SREBF1: variants seen among roughly 807,000 people sequenced by gnomAD.
SREBF1 encodes the protein sterol regulatory element-binding protein 1.
SREBF1 carries 45 observed loss-of-function variants against 100.1 expected under a neutral mutation model. The observed-to-expected ratio is 0.45, with a 90% CI of 0.35 to 0.58. The LOEUF is 0.58. SREBF1 is among the 20% of genes least tolerant of loss of function. The pLI is 0.00. For missense variants in SREBF1, 1,324 were observed against 1,539.4 expected (o/e 0.86, Z 2.34); for synonymous variants, 657 against 681.8 (o/e 0.96, Z 0.57).
At chr17:17,825,473 C>T (rs2034429772) in intron 1 of SREBF1, among the ~76,000 whole-genome samples, 1 of 152,064 alleles carries the variant, frequency 6.6e-6, no homozygotes, top group South Asian at 2.1e-4. Flanking sequence ...GCAGAGGGCA[C>T]AGACTAAGCT....
At chr17:17,833,490 G>C (rs1019872813) in intron 1 of SREBF1, among the ~76,000 whole-genome samples, 3 of 121,286 alleles carry the variant, frequency 2.5e-5, no homozygotes, top group Admixed American at 8.9e-5. Context: ...CACACATACA[G>C]ATCCACAGCT....
chr17:17,814,808 G>A lies in SREBF1; in HGVS notation c.2602+27C>T, dbSNP rs765083139. 8 of 1,607,188 alleles carry A rather than the reference G, an allele frequency of 5.0e-6. No individual in the cohort carries two copies. In the Admixed American group the frequency reaches 1.2e-4, roughly 24 times the overall value. On this transcript the variant is annotated intron_variant, in intron 14 of 18. Coordinates refer to ENST00000261646, the MANE Select transcript of SREBF1 (RefSeq NM_004176.5). ...ACGCTGCACGGGGGAGCTGAGAAGGGAGCCAGGACAGGGGCCGGGGACTCA... is the reference window on the plus strand; with the variant it reads ...ACGCTGCACGGGGGAGCTGAGAAGGAAGCCAGGACAGGGGCCGGGGACTCA...
intron 1 of SREBF1, among the ~76,000 whole-genome samples, chr17:17,827,665 A>G (rs1445055441): frequency 6.6e-6 from 1 of 152,138 alleles, no homozygotes; most frequent in Non-Finnish European, 1.5e-5. Flanking sequence ...ACCTGGGCGC[A>G]GGTCCTCTTG....
Position 17,817,497 on chromosome 17 carries a change from G to A in SREBF1, c.1405-40C>T, listed in dbSNP as rs1229259311. On this transcript the variant is annotated intron_variant, in intron 7 of 18. Coordinates refer to ENST00000261646, the MANE Select transcript of SREBF1 (RefSeq NM_004176.5). This position sits in a 1 kb window ranked among gnomAD's most constrained non-coding sequence, Gnocchi z 6.6. Reference sequence around the variant, plus strand: ...CAGGGTGGTGAGGGCAGAATCGGAGGGACCCCAGAGAGCATGGGGCTGGGA... The same window carrying A: ...CAGGGTGGTGAGGGCAGAATCGGAGAGACCCCAGAGAGCATGGGGCTGGGA... 6.4e-7 allele frequency: 1 copy of A among 1,558,340 alleles called. No homozygotes were observed. Among genetic ancestry groups the A allele is most frequent in the Admixed American group, 1.9e-5 (1 of 51,820 alleles).
intron 1 of SREBF1, among the ~76,000 whole-genome samples, chr17:17,833,132 A>G (rs1264468899): frequency 6.6e-6 from 1 of 151,766 alleles, no homozygotes; most frequent in Non-Finnish European, 1.5e-5. Context: ...ATTTATAAAA[A>G]TACAGATCCA....
At position 17,815,974 on chromosome 17, in the gene SREBF1, G is replaced by A; in HGVS notation, c.2269C>T (p.Pro757Ser). Residue 757 changes from proline to serine, a missense_variant, in exon 12 of 19, where the codon CCT (proline) becomes TCT (serine). Coordinates refer to ENST00000261646, the MANE Select transcript of SREBF1 (RefSeq NM_004176.5). The stretch of plus-strand genomic sequence containing the variant: ...TGGCAGAGCCACTGCATGGCAGGAG[G>A]CACTGAGCCACTCTGTGCCAGGCAG... ...QACLAQSGSV[P>S]PAMQWLCHPV... 4 of 1,612,872 alleles carry A rather than the reference G, an allele frequency of 2.5e-6. No individual in the cohort carries two copies. Among genetic ancestry groups the A allele is most frequent in the Non-Finnish European group, 3.4e-6 (4 of 1,179,928 alleles).
In SREBF1 at chr17:17,817,610, G is replaced by A; in HGVS notation, c.1404+86C>T. ...ATTCTGTCTATGAAATGGGAGGTAG[G>A]ATCTGTTAGGGTCTTCCCGGCCCTG... On this transcript the variant is annotated intron_variant, in intron 7 of 18. Transcript: ENST00000261646. This position sits in a 1 kb window ranked among gnomAD's most constrained non-coding sequence, Gnocchi z 6.6. 6.4e-7 allele frequency: 1 copy of A among 1,570,528 alleles called. No individual in the cohort carries two copies. Among genetic ancestry groups the A allele is most frequent in the Non-Finnish European group, 8.7e-7 (1 of 1,148,096 alleles).
chr17:17,832,845 C>T (rs998049937), intron 1 of SREBF1, among the ~76,000 whole-genome samples: 18 of 151,542 alleles, frequency 1.2e-4, no homozygotes, highest in East Asian at 3.9e-4. Context: ...GGTGTGAACC[C>T]GGGAGGCGGA....
chr17:17,818,060 G>GTTA (rs2033778418), intron 6 of SREBF1, 144 bp from the exon 7 acceptor site: 1 of 926,794 alleles, frequency 1.1e-6, no homozygotes, highest in South Asian at 1.4e-5. Flanking sequence ...AGGGCCAAAG[G>GTTA]GAGGCACCAG....
chr17:17,816,129 A>C (rs1433925266), intron 11 of SREBF1, 78 bp downstream of exon 11: 2 of 1,146,652 alleles, frequency 1.7e-6, no homozygotes, highest in Non-Finnish European at 2.2e-6. Context: ...AACCACTGCC[A>C]CATCCCGTGT....
In SREBF1 at chr17:17,833,450, A is replaced by AATATATATAT. The variant is rs1555573429; in HGVS notation, c.91+3267_91+3276dup. ...AAAAAAAAAAAAAAAAAAAAAAAAA[A>AATATATATAT]ATATATATATATATATATATATATA... On this transcript the variant is annotated intron_variant, in intron 1 of 18. Transcript: ENST00000261646. 1.7e-3 allele frequency among the ~76,000 whole-genome samples: 80 copies of AATATATATAT among 47,492 alleles called. 1 individual carries two copies. The highest frequency in any genetic ancestry group is 5.5e-3 in the East Asian group (6 of 1,096). 31.2% of individuals were successfully genotyped at this position (47,492 alleles called of 152,430 possible).
rs1326576226 is a variant in SREBF1 at position 17,811,404 on chromosome 17, A to G, written c.*1218T>C. 2 of 12,224 alleles carry G rather than the reference A, an allele frequency of 1.6e-4. No homozygotes were observed. The highest frequency in any genetic ancestry group is 3.9e-3 in the Admixed American group (1 of 254). The allele number at this position is 12,224 out of a possible 1,614,324, so 0.8% of individuals were successfully genotyped here. A position where few individuals can be genotyped will look rare whatever the true frequency, so the allele number is the denominator to read the frequency against. Reference sequence around the variant, plus strand: ...AGTAAAAAACAGTCATTGCATTCAGAAAAAAAAAAAAAAAAAAGTCAATAA... The same window carrying G: ...AGTAAAAAACAGTCATTGCATTCAGGAAAAAAAAAAAAAAAAAGTCAATAA... On this transcript the variant is annotated 3_prime_UTR_variant, in exon 19 of 19. Coordinates refer to ENST00000261646, the MANE Select transcript of SREBF1 (RefSeq NM_004176.5).
intron 18 of SREBF1, 146 bp from the exon 19 acceptor site, chr17:17,812,997 C>T: frequency 2.9e-6 from 2 of 700,740 alleles, no homozygotes. Context: ...CCTCTCCCCA[C>T]CCTAGTCTCA....
intron 5 of SREBF1, 23 bp from the exon 6 acceptor site, chr17:17,818,397 G>C: frequency 4.3e-5 from 67 of 1,566,510 alleles, no homozygotes; most frequent in Non-Finnish European, 5.5e-5. Context: ...GGAGGGAGGG[G>C]GAGCGCACAG....
At position 17,812,657 on chromosome 17, in the gene SREBF1, G is replaced by A; in HGVS notation, c.3409C>T (p.Arg1137Cys). 2 of 1,608,036 alleles carry A rather than the reference G, an allele frequency of 1.2e-6. No homozygotes were observed. The highest frequency in any genetic ancestry group is 1.7e-6 in the Non-Finnish European group (2 of 1,177,554). The change falls in exon 19 of 19, where the codon CGC (arginine) becomes TGC (cysteine). Residue 1137 changes from arginine (R) to cysteine (C), a missense_variant. Physicochemically the swap from Arg to Cys is radical, Grantham distance 180 (BLOSUM62 -3). Coordinates refer to ENST00000261646, the MANE Select transcript of SREBF1 (RefSeq NM_004176.5). ...LLHDCQQMLM[R>C]LGGGTTVTSS ...GTGACAGTGGTCCCACCGCCCAGGCGCATGAGCATCTGCTGACAGTCGTGC... is the reference window on the plus strand; with the variant it reads ...GTGACAGTGGTCCCACCGCCCAGGCACATGAGCATCTGCTGACAGTCGTGC...
In SREBF1 at chr17:17,811,624, C is replaced by T. The variant is rs2032852557; in HGVS notation, c.*998G>A. 7.0e-6 allele frequency: 3 copies of T among 428,198 alleles called. No homozygotes were observed. The highest frequency in any genetic ancestry group is 8.4e-5 in the East Asian group (1 of 11,898). 26.5% of individuals were successfully genotyped at this position (428,198 alleles called of 1,614,324 possible). A position where few individuals can be genotyped will look rare whatever the true frequency, so the allele number is the denominator to read the frequency against. ...CCCCTGTGCCCCCTCTCCAGTGTGG[C>T]GGCAGGTCGGGAGGGAGGAGGCTTC... On this transcript the variant is annotated 3_prime_UTR_variant, in exon 19 of 19. Coordinates refer to ENST00000261646, the MANE Select transcript of SREBF1 (RefSeq NM_004176.5).
At chr17:17,832,638 T>C (rs4924821) in intron 1 of SREBF1, among the ~76,000 whole-genome samples, 62,179 of 152,098 alleles carry the variant, frequency 0.41, 16,204 homozygotes, top group Non-Finnish European at 0.6. Flanking sequence ...CTGGCCTCAG[T>C]GGCCAGGCAC....
intron 1 of SREBF1, among the ~76,000 whole-genome samples, chr17:17,823,940 T>C (rs960585122): frequency 2.0e-5 from 3 of 151,814 alleles, no homozygotes; most frequent in Non-Finnish European, 2.9e-5. Flanking sequence ...TTACTGGCGG[T>C]CACTGGCCCT....
intron 1 of SREBF1, among the ~76,000 whole-genome samples, chr17:17,832,734 C>T (rs2034938582): frequency 6.6e-6 from 1 of 151,984 alleles, no homozygotes; most frequent in Non-Finnish European, 1.5e-5. Context: ...TCCTGGCTAA[C>T]ACGGTGAAAC....
Sources: allele counts gnomAD v4.1 joint callset (sites outside exome capture counted in the v4.1 genomes callset), GRCh38; gene constraint gnomAD v4.1.1; non-coding constraint Gnocchi (gnomAD v3.1); transcripts MANE v1.5; gene names NCBI Gene and HGNC (gene_info 2026-07-23, HGNC 2026-07-21).